Variants in NUP188 observed in about 807,000 individuals in gnomAD.
NUP188 encodes the protein nucleoporin NUP188.
NUP188 carries 97 observed loss-of-function variants against 223.0 expected under a neutral mutation model. That is an observed-to-expected ratio of 0.43 (90% CI 0.37 to 0.51). NUP188 has a LOEUF of 0.51. Ranked by LOEUF, NUP188 falls within the 20% of genes least tolerant of loss-of-function variation. NUP188 has a pLI of 0.00. For missense variants in NUP188, 1,947 were observed against 2,175.6 expected (o/e 0.89, Z 2.09); for synonymous variants, 869 against 828.0 (o/e 1.05, Z -0.85).
At chr9:128,998,663 C>T (rs1354990889) in intron 32 of NUP188, 40 bp downstream of exon 32, 1 of 1,530,856 alleles carries the variant, frequency 6.5e-7, no homozygotes, top group Non-Finnish European at 9.0e-7. Flanking sequence ...AGGCCAGAGC[C>T]TTCTTGTCAG....
At chr9:128,995,030 G>A (rs1303917812) in intron 29 of NUP188, 107 bp downstream of exon 29, 6 of 835,052 alleles carry the variant, frequency 7.2e-6, no homozygotes, top group East Asian at 2.4e-5. Context: ...GGAGAGAACT[G>A]GTTTGGAACC....
At chr9:128,959,732 G>A (rs1348226065) in intron 8 of NUP188, among the ~76,000 whole-genome samples, 1 of 150,508 alleles carries the variant, frequency 6.6e-6, no homozygotes, top group East Asian at 2.0e-4. Flanking sequence ...TAGAGATAGG[G>A]TTTCACCATG....
chr9:128,964,193 C>T (rs1296953397), intron 8 of NUP188: 1 of 301,484 alleles, frequency 3.3e-6, no homozygotes, highest in African/African-American at 2.3e-5. Context: ...CTTACACCTT[C>T]TTCAGTCAAG....
chr9:128,985,126 C>A, intron 20 of NUP188, 112 bp downstream of exon 20: 1 of 708,914 alleles, frequency 1.4e-6, no homozygotes, highest in Admixed American at 2.8e-5. Flanking sequence ...TGTCTGTAGG[C>A]AGAATAGTCA....
At chr9:128,955,492 T>C (rs1326413881) in intron 3 of NUP188, among the ~76,000 whole-genome samples, 1 of 152,206 alleles carries the variant, frequency 6.6e-6, no homozygotes, top group Non-Finnish European at 1.5e-5. Context: ...TATTTATTTA[T>C]TCATTAGTTT....
In NUP188 at chr9:129,005,626, C is replaced by G. The variant is rs1291924924; in HGVS notation, c.4738-19C>G. On this transcript the variant is annotated intron_variant, in intron 40 of 43. Transcript: ENST00000372577. ...GGGGCCTTAATTGGGTCCTGGATGG[C>G]TCTTGTCTTTTCTCGCAGTCCCTGG... The G allele has an allele frequency of 6.2e-7, 1 of 1,612,296 alleles. No homozygotes were observed. Among genetic ancestry groups the G allele is most frequent in the African/African-American group, 1.3e-5 (1 of 74,902 alleles).
At chr9:128,964,227 T>C in intron 8 of NUP188, 1 of 363,820 alleles carries the variant, frequency 2.7e-6, no homozygotes, top group Non-Finnish European at 5.3e-6. Flanking sequence ...TTTTATCCCA[T>C]TGTTTTTTGT....
In NUP188 at chr9:128,983,328, T is replaced by C; in HGVS notation, c.1832T>C (p.Ile611Thr). 1 of 1,614,206 alleles carries C rather than the reference T, an allele frequency of 6.2e-7. No individual in the cohort carries two copies. Among genetic ancestry groups the C allele is most frequent in the Non-Finnish European group, 8.5e-7 (1 of 1,180,036 alleles). ...GTGATCTCCCCACCTGTGGATGTCA[T>C]TGCTTCTTGTGTCAACTGCTTAACT... The part of the protein sequence containing the change: ...TTVISPPVDV[I>T]ASCVNCLTVL... The change falls in exon 18 of 44, where the codon ATT becomes ACT. Residue 611 changes from isoleucine to threonine, a missense_variant. Around this residue, in one of 3 missense-constraint regions of NUP188, gnomAD observed 817 missense variants for 865.8 expected, o/e 0.94. Coordinates refer to ENST00000372577, the MANE Select transcript of NUP188 (RefSeq NM_015354.3).
rs768896129 is a variant in NUP188, at chr9:128,993,422, A to G, written c.2847+19A>G. The G allele has an allele frequency of 1.2e-6, 2 of 1,613,558 alleles. No individual in the cohort carries two copies. The highest frequency in any genetic ancestry group is 1.7e-5 in the Admixed American group (1 of 60,008). On this transcript the variant is annotated intron_variant, in intron 26 of 43. Coordinates refer to ENST00000372577, the MANE Select transcript of NUP188 (RefSeq NM_015354.3). ...CTCAAAGGTAAGCCTGTAACCTGGGATGACACTGGGAGTTGGCTCACTGGG... is the reference window on the plus strand; with the variant it reads ...CTCAAAGGTAAGCCTGTAACCTGGGGTGACACTGGGAGTTGGCTCACTGGG...
rs779640935 is a variant in NUP188 at position 128,993,627 on chromosome 9, G to A, written c.2950G>A (p.Ala984Thr). 25 of 1,614,042 alleles carry A rather than the reference G, an allele frequency of 1.5e-5. No homozygotes were observed. Among genetic ancestry groups the A allele is most frequent in the Admixed American group, 1.2e-4 (7 of 59,990 alleles). Residue 984 changes from alanine to threonine, a missense_variant, in exon 27 of 44, where the codon GCC (alanine) becomes ACC (threonine). Transcript: ENST00000372577. ...GTGCCCACCCCTGCTGCATCGTGCC[G>A]CCATTGCCTTTTTGCATGCTCTGTG... is the stretch of plus-strand genomic sequence containing the variant. ...YWCPPLLHRA[A>T]IAFLHALWQD...
At chr9:128,950,578 T>C (rs989824003) in intron 2 of NUP188, among the ~76,000 whole-genome samples, 2 of 152,186 alleles carry the variant, frequency 1.3e-5, no homozygotes, top group Non-Finnish European at 2.9e-5. Flanking sequence ...CAGTGGCTCA[T>C]GCCTGTAACC....
At chr9:128,950,608 A>G (rs1307996359) in intron 2 of NUP188, among the ~76,000 whole-genome samples, 2 of 152,148 alleles carry the variant, frequency 1.3e-5, no homozygotes. Flanking sequence ...TGGAAGGCCA[A>G]GGCAGAAGGA....
chr9:129,002,389 C>A (rs960568095), intron 36 of NUP188, among the ~76,000 whole-genome samples: 9 of 152,210 alleles, frequency 5.9e-5, no homozygotes, highest in African/African-American at 1.4e-4. Flanking sequence ...CTTGATGGGG[C>A]CTCAGCACCC....
rs754325591 is a variant in NUP188, at chr9:128,999,711, G to A, written c.3749G>A (p.Arg1250His). Reference sequence around the variant, plus strand: ...GTGATTGCACTCTTCGACCAGACCCGCCACAGTCTGGCATTAGGCAGTGCC... The same window carrying A: ...GTGATTGCACTCTTCGACCAGACCCACCACAGTCTGGCATTAGGCAGTGCC... ...EEVIALFDQT[R>H]HSLALGSATE... The change falls in exon 34 of 44, where the codon CGC becomes CAC. Residue 1250 changes from arginine (R) to histidine (H), a missense_variant. Transcript: ENST00000372577. 3.0e-5 allele frequency: 48 copies of A among 1,614,142 alleles called. No individual in the cohort carries two copies. In the Admixed American group the frequency reaches 4.2e-4, roughly 14 times the overall value.
chr9:128,949,713 C>T (rs1841751798), intron 2 of NUP188, among the ~76,000 whole-genome samples: 1 of 151,972 alleles, frequency 6.6e-6, no homozygotes, highest in Admixed American at 6.6e-5. Flanking sequence ...ACTGCAACCT[C>T]CGCCTCCCGA....
At chr9:128,959,949 T>C (rs2131144378) in intron 8 of NUP188, among the ~76,000 whole-genome samples, 1 of 152,256 alleles carries the variant, frequency 6.6e-6, no homozygotes, top group Admixed American at 6.5e-5. Flanking sequence ...CCCATTAGTT[T>C]ACTTTCATTT....
intron 8 of NUP188, among the ~76,000 whole-genome samples, chr9:128,961,678 A>G (rs1188820693): frequency 6.2e-5 from 9 of 145,228 alleles, no homozygotes; most frequent in Non-Finnish European, 6.0e-5. Context: ...CTGGAGTTCG[A>G]TGGCGTGATC....
Position 129,005,630 on chromosome 9 carries a change from T to A in NUP188, c.4738-15T>A. ...CCTTAATTGGGTCCTGGATGGCTCT[T>A]GTCTTTTCTCGCAGTCCCTGGACCT... On this transcript the variant is annotated splice_polypyrimidine_tract_variant and intron_variant, in intron 40 of 43. Coordinates refer to ENST00000372577, the MANE Select transcript of NUP188 (RefSeq NM_015354.3). 6.2e-7 allele frequency: 1 copy of A among 1,612,804 alleles called. No individual in the cohort carries two copies. Among genetic ancestry groups the A allele is most frequent in the Non-Finnish European group, 8.5e-7 (1 of 1,179,246 alleles).
At chr9:128,955,829 G>A (rs2131140358) in intron 3 of NUP188, among the ~76,000 whole-genome samples, 1 of 151,130 alleles carries the variant, frequency 6.6e-6, no homozygotes, top group Non-Finnish European at 1.5e-5. Flanking sequence ...TCTGGGTGCT[G>A]CATGTACCTC....
Sources: gnomAD v4.1 joint callset for allele counts (sites outside exome capture counted in the v4.1 genomes callset) on GRCh38, gnomAD v4.1.1 for gene constraint, gnomAD v4.1.1 regional missense constraint, MANE v1.5 for transcripts, NCBI Gene and HGNC (gene_info 2026-07-23, HGNC 2026-07-21) for gene names.